Variants in NPRL3 observed in about 807,000 individuals in gnomAD.
NPRL3 encodes NPR3 like, GATOR1 complex subunit, also known as GATOR1 complex protein NPRL3.
In NPRL3, 23 loss-of-function variants were observed where a neutral mutation model predicts 57.2. That is an observed-to-expected ratio of 0.40 (90% confidence interval 0.29 to 0.57). The LOEUF is 0.57. NPRL3 is among the 20% of genes least tolerant of loss of function. The pLI, the probability that NPRL3 is intolerant of heterozygous loss-of-function variation, is 0.42. For missense variants in NPRL3, 691 were observed against 767.1 expected (o/e 0.90, Z 1.17); for synonymous variants, 333 against 321.1 (o/e 1.04, Z -0.39).
At position 130,618 on chromosome 16, in the gene NPRL3, G is replaced by A. The variant is rs755853482; in HGVS notation, c.119-27C>T. 9.7e-6 allele frequency: 15 copies of A among 1,550,926 alleles called. No individual in the cohort carries two copies. The South Asian group carries it at 1.1e-4, about 11-fold the overall frequency. On this transcript the variant is annotated intron_variant, in intron 2 of 13. Transcript: ENST00000611875. ...TGAGTCGGGGCGAAAAGAGGGGAAGGGCTAAGAAAACAGGGTCCTTCCACA... is the reference window on the plus strand; with the variant it reads ...TGAGTCGGGGCGAAAAGAGGGGAAGAGCTAAGAAAACAGGGTCCTTCCACA...
chr16:111,365 A>C (rs1899804766), intron 6 of NPRL3, among the ~76,000 whole-genome samples: 1 of 152,058 alleles, frequency 6.6e-6, no homozygotes, highest in Non-Finnish European at 1.5e-5. Flanking sequence ...ACACCACTGC[A>C]CTCCAGCCTG....
At chr16:127,993 T>G (rs1900618320) in intron 3 of NPRL3, among the ~76,000 whole-genome samples, 1 of 111,798 alleles carries the variant, frequency 8.9e-6, no homozygotes. Flanking sequence ...TCCATCTTCT[T>G]CTTTTTTTTT....
chr16:110,185 C>G (rs1899734374), intron 7 of NPRL3, among the ~76,000 whole-genome samples: 1 of 152,194 alleles, frequency 6.6e-6, no homozygotes, highest in Non-Finnish European at 1.5e-5. Flanking sequence ...AGGAGAATCT[C>G]TTAAACCCAG....
chr16:132,738 C>T (rs1900870854), intron 2 of NPRL3, among the ~76,000 whole-genome samples: 1 of 147,938 alleles, frequency 6.8e-6, no homozygotes, highest in South Asian at 2.1e-4. Context: ...GGCGGGATCT[C>T]GGCTCACTGC....
intron 8 of NPRL3, 35 bp downstream of exon 8, chr16:100,336 CT>C (rs766032794): frequency 6.9e-7 from 1 of 1,444,978 alleles, no homozygotes; most frequent in Non-Finnish European, 9.2e-7. Flanking sequence ...GGGAAGGGCC[CT>C]GGCAGGGAGT....
chr16:131,666 G>A (rs1900810388), intron 2 of NPRL3, among the ~76,000 whole-genome samples: 1 of 150,734 alleles, frequency 6.6e-6, no homozygotes, highest in Non-Finnish European at 1.5e-5. Flanking sequence ...TTTTGCTGGA[G>A]AAAGGTATTG....
intron 5 of NPRL3, among the ~76,000 whole-genome samples, chr16:113,995 G>A (rs557718964): frequency 1.3e-5 from 2 of 152,214 alleles, no homozygotes; most frequent in Non-Finnish European, 2.9e-5. Context: ...TCCATGTCAA[G>A]GGCATTGCCT....
chr16:109,102 G>A (rs1041486429), intron 7 of NPRL3, among the ~76,000 whole-genome samples: 8 of 151,842 alleles, frequency 5.3e-5, no homozygotes, highest in Admixed American at 1.3e-4. Flanking sequence ...CTGAGTAGCT[G>A]AGACTACACT....
rs2141925147 is a variant in NPRL3 at position 100,392 on chromosome 16, T to A, written c.747A>T (p.Glu249Asp). The change falls in exon 8 of 14, where the codon GAA (glutamate) becomes GAT (aspartate). Residue 249 changes from glutamate (E) to aspartate (D), a missense_variant. By Grantham distance (45) the Glu-to-Asp change is conservative. Coordinates refer to ENST00000611875, the MANE Select transcript of NPRL3 (RefSeq NM_001077350.3). ...CTTACCGGATGGCTTTCAGGCTCCGTTCGATGGCCTCTGGGGGGATCAGAC... is the reference window on the plus strand; with the variant it reads ...CTTACCGGATGGCTTTCAGGCTCCGATCGATGGCCTCTGGGGGGATCAGAC... ...ASSLIPPEAI[E>D]RSLKAIRPYH... 6.4e-7 allele frequency: 1 copy of A among 1,560,986 alleles called. No homozygotes were observed. Among genetic ancestry groups the A allele is most frequent in the South Asian group, 1.2e-5 (1 of 84,256 alleles).
At chr16:137,717 TTTG>T (rs1237174540) in intron 2 of NPRL3, among the ~76,000 whole-genome samples, 1 of 151,828 alleles carries the variant, frequency 6.6e-6, no homozygotes, top group African/African-American at 2.4e-5. Context: ...GCTCGGCTAA[TTTG>T]TTTTTTTTTA....
rs1486781922 is a variant in NPRL3, at chr16:85,535, T to C, written c.*1170A>G. ...GGACCGCGAGCTCTGCAGTGGCCCC[T>C]CCAAGCTGTGCCAGGCCCTGGCCAT... On this transcript the variant is annotated 3_prime_UTR_variant, in exon 14 of 14. Transcript: ENST00000611875. 1.2e-6 allele frequency: 2 copies of C among 1,613,246 alleles called. No individual in the cohort carries two copies. Among genetic ancestry groups the C allele is most frequent in the East Asian group, 2.2e-5 (1 of 44,890 alleles).
intron 6 of NPRL3, among the ~76,000 whole-genome samples, chr16:111,629 T>C (rs1899820075): frequency 6.6e-6 from 1 of 151,852 alleles, no homozygotes; most frequent in South Asian, 2.1e-4. Context: ...TTTGGGTTTT[T>C]TTCGGTAGAG....
chr16:123,889 C>G (rs1166809934), intron 3 of NPRL3, among the ~76,000 whole-genome samples: 1 of 99,390 alleles, frequency 1.0e-5, no homozygotes, highest in Non-Finnish European at 1.9e-5. Flanking sequence ...CGCTGAGAAA[C>G]AGGGTCACAC....
chr16:86,481 GAGGGAAGCGT>G lies in NPRL3; in HGVS notation c.*214_*223del, dbSNP rs1292752221. The G allele has an allele frequency of 2.0e-5, 11 of 554,470 alleles. No homozygotes were observed. The highest frequency in any genetic ancestry group is 1.4e-4 in the South Asian group (6 of 43,286). The allele number at this position is 554,470 out of a possible 1,614,324, so 34.3% of individuals were successfully genotyped here. A position where few individuals can be genotyped will look rare whatever the true frequency, so the allele number is the denominator to read the frequency against. On this transcript the variant is annotated 3_prime_UTR_variant, in exon 14 of 14. Transcript: ENST00000611875. ...ATGCCTACGCGTGCGGCAAGGACTG[GAGGGAAGCGT>G]AGGAACACAGAGGGCAGCAGCCCCA...
At chr16:94,902 C>T (rs1321322295) in intron 9 of NPRL3, among the ~76,000 whole-genome samples, 1 of 152,110 alleles carries the variant, frequency 6.6e-6, no homozygotes, top group Non-Finnish European at 1.5e-5. Context: ...AGATGCTGTC[C>T]ATTCTGGAAA....
chr16:119,367 C>CAG, intron 3 of NPRL3, 112 bp from the exon 4 acceptor site: 2 of 1,075,206 alleles, frequency 1.9e-6, no homozygotes, highest in Non-Finnish European at 2.7e-6. Context: ...CATGGAGTTG[C>CAG]TCTGCCCCGA....
chr16:137,551 C>CTTT (rs72083020), intron 2 of NPRL3, among the ~76,000 whole-genome samples: 1 of 141,788 alleles, frequency 7.1e-6, no homozygotes, highest in Non-Finnish European at 1.5e-5. Context: ...GTTCACGTAA[C>CTTT]TTTTTTTTTT....
chr16:125,673 A>G (rs868170445), intron 3 of NPRL3: 3 of 152,382 alleles, frequency 2.0e-5, no homozygotes, highest in Middle Eastern at 3.4e-3. Flanking sequence ...GCGAGAGTCA[A>G]ACTTGGAACC....
chr16:132,619 G>C (rs1187296507), intron 2 of NPRL3, among the ~76,000 whole-genome samples: 1 of 151,050 alleles, frequency 6.6e-6, no homozygotes, highest in Non-Finnish European at 1.5e-5. Flanking sequence ...GCCCTGATCT[G>C]TCCAAGGAAT....
Sources: gnomAD v4.1 joint callset for allele counts (sites outside exome capture counted in the v4.1 genomes callset) on GRCh38, gnomAD v4.1.1 for gene constraint, MANE v1.5 for transcripts, NCBI Gene and HGNC (gene_info 2026-07-23, HGNC 2026-07-21) for gene names.